PSMF1: variants seen among roughly 807,000 people sequenced by gnomAD.
PSMF1 encodes the protein proteasome inhibitor subunit 1.
PSMF1 carries 30 observed loss-of-function variants against 29.3 expected under a neutral mutation model. The observed-to-expected ratio is 1.02, with a 90% CI of 0.77 to 1.39. The LOEUF (loss-of-function observed/expected upper bound fraction) is 1.39, where lower values mean the gene tolerates loss of function less well. Among genes scored for constraint, PSMF1 ranks in the 40% most tolerant of loss-of-function variants. PSMF1 has a pLI of 0.00. For synonymous variants in PSMF1, 134 were observed against 139.7 expected, an observed-to-expected ratio of 0.96 and a Z score of 0.29; for missense variants, 344 against 357.5, an observed-to-expected ratio of 0.96 and a Z score of 0.31.
Position 1,163,170 on chromosome 20 carries a change from T to G in PSMF1, c.592T>G (p.Leu198Val), listed in dbSNP as rs751159916. Residue 198 changes from leucine to valine, a missense_variant, in exon 5 of 7, where the codon TTA (leucine) becomes GTA (valine). Leu to Val is a conservative substitution (Grantham distance 32, BLOSUM62 1). Transcript: ENST00000335877. The surrounding 1 kb of genome is among the most constrained non-coding windows in gnomAD (Gnocchi z 6.1). ...CCCGTTTGTTGTCGGGGGAGAAGAC[T>G]TAGACCCTTTTGGGTGAGTACTGCT... ...LGPFVVGGEDLDPFGPRRGGM... is the reference protein window; with the variant it reads ...LGPFVVGGEDVDPFGPRRGGM... The G allele has an allele frequency of 6.2e-7, 1 of 1,614,208 alleles. No homozygotes were observed. The highest frequency in any genetic ancestry group is 8.5e-7 in the Non-Finnish European group (1 of 1,180,034).
chr20:1,154,297 G>A (rs137893282), intron 4 of PSMF1, among the ~76,000 whole-genome samples: 1 of 152,186 alleles, frequency 6.6e-6, no homozygotes, highest in African/African-American at 2.4e-5. Context: ...TTTTCTTTCT[G>A]TTTTTCTTTC....
chr20:1,151,024 A>G (rs951792761), intron 4 of PSMF1, among the ~76,000 whole-genome samples: 1 of 152,196 alleles, frequency 6.6e-6, no homozygotes, highest in Non-Finnish European at 1.5e-5. Flanking sequence ...TCCTCTACCT[A>G]TGTTACTTTA....
intron 4 of PSMF1, among the ~76,000 whole-genome samples, chr20:1,148,327 TA>T (rs1439320062): frequency 6.6e-6 from 1 of 152,238 alleles, no homozygotes; most frequent in African/African-American, 2.4e-5. Context: ...AATATTTTTT[TA>T]TCCAGCCTAA....
chr20:1,130,883 A>G (rs1191893063), intron 3 of PSMF1, among the ~76,000 whole-genome samples: 1 of 152,172 alleles, frequency 6.6e-6, no homozygotes, highest in Admixed American at 6.5e-5. Flanking sequence ...TAAGCATTTA[A>G]TCCATCAGAT....
intron 4 of PSMF1, among the ~76,000 whole-genome samples, chr20:1,143,979 C>G (rs2086416262): frequency 6.6e-6 from 1 of 152,114 alleles, no homozygotes; most frequent in Non-Finnish European, 1.5e-5. Context: ...GTCCCAGCTA[C>G]TCGGGAGGCT....
chr20:1,130,674 C>CA (rs2086217192), intron 3 of PSMF1, among the ~76,000 whole-genome samples: 1 of 152,132 alleles, frequency 6.6e-6, no homozygotes, highest in African/African-American at 2.4e-5. Flanking sequence ...GTTGCCCAGG[C>CA]AGGCTGGAGT....
chr20:1,141,341 G>T (rs2086377248), intron 4 of PSMF1, among the ~76,000 whole-genome samples: 1 of 152,100 alleles, frequency 6.6e-6, no homozygotes, highest in South Asian at 2.1e-4. Flanking sequence ...TCTCAATAAA[G>T]CTATAAAAAA....
At chr20:1,153,191 A>T (rs1265587567) in intron 4 of PSMF1, among the ~76,000 whole-genome samples, 1 of 152,202 alleles carries the variant, frequency 6.6e-6, no homozygotes, top group African/African-American at 2.4e-5. Context: ...AAAGTGAGGA[A>T]AGTGTTTGCA....
intron 3 of PSMF1, among the ~76,000 whole-genome samples, chr20:1,132,460 A>G (rs932158791): frequency 2.0e-5 from 3 of 152,044 alleles, no homozygotes; most frequent in South Asian, 2.1e-4. Context: ...TATTTTTAGT[A>G]GAGACGGGGT....
rs570358077 is a variant in PSMF1 at position 1,141,511 on chromosome 20, A to T, written c.551+6205A>T. On this transcript the variant is annotated intron_variant, in intron 4 of 6. Coordinates refer to ENST00000335877, the MANE Select transcript of PSMF1 (RefSeq NM_006814.5). ...CTTTTTAATATTTTTTCTTCAGCTG[A>T]AGAGTGGTTTGTTAGTACCTAAACA... Among the ~76,000 whole-genome samples the T allele has an allele frequency of 5.3e-5, 8 of 152,062 alleles. No homozygotes were observed. In the South Asian group the frequency reaches 1.7e-3, roughly 32 times the overall value.
intron 1 of PSMF1, among the ~76,000 whole-genome samples, chr20:1,119,675 G>A (rs2086060154): frequency 6.6e-6 from 1 of 152,098 alleles, no homozygotes; most frequent in African/African-American, 2.4e-5. Context: ...AGAGTTCTAG[G>A]ACTGCTGGAC....
chr20:1,119,944 C>T (rs1187467380), intron 1 of PSMF1, among the ~76,000 whole-genome samples: 1 of 151,830 alleles, frequency 6.6e-6, no homozygotes, highest in South Asian at 2.1e-4. Context: ...CTTCAGTTCT[C>T]AACTCCTCTA....
intron 4 of PSMF1, among the ~76,000 whole-genome samples, chr20:1,144,818 C>T (rs951958596): frequency 2.0e-5 from 3 of 152,170 alleles, no homozygotes; most frequent in Admixed American, 2.0e-4. Context: ...TGAGAGAGAT[C>T]TTTGTGGTGG....
At chr20:1,143,931 A>C (rs920366666) in intron 4 of PSMF1, among the ~76,000 whole-genome samples, 6 of 152,124 alleles carry the variant, frequency 3.9e-5, no homozygotes, top group Non-Finnish European at 7.4e-5. Flanking sequence ...TCTCTTCAAA[A>C]ATACTAAAAT....
chr20:1,150,767 T>C (rs1400881426), intron 4 of PSMF1, among the ~76,000 whole-genome samples: 1 of 152,202 alleles, frequency 6.6e-6, no homozygotes, highest in African/African-American at 2.4e-5. Flanking sequence ...TCCTAATTTT[T>C]ATGTAATCTA....
intron 3 of PSMF1, among the ~76,000 whole-genome samples, chr20:1,134,651 G>A (rs45560135): frequency 0.15 from 22,330 of 151,956 alleles, 2,074 homozygotes; most frequent in Admixed American, 0.21. Context: ...GCAGCCTTCC[G>A]AGGACCCCTG....
At chr20:1,159,628 G>T (rs955108356) in intron 4 of PSMF1, among the ~76,000 whole-genome samples, 1 of 152,146 alleles carries the variant, frequency 6.6e-6, no homozygotes, top group Non-Finnish European at 1.5e-5. Context: ...CTGGGCGGGG[G>T]GGCACTTCAT....
intron 4 of PSMF1, among the ~76,000 whole-genome samples, chr20:1,150,981 C>T (rs1208830441): frequency 3.3e-5 from 5 of 152,096 alleles, no homozygotes; most frequent in Admixed American, 3.3e-4. Flanking sequence ...CATTGATATC[C>T]AGTTGGTCTA....
intron 4 of PSMF1, among the ~76,000 whole-genome samples, chr20:1,136,063 T>A (rs1047067138): frequency 5.3e-5 from 8 of 152,238 alleles, no homozygotes; most frequent in Admixed American, 1.3e-4. Flanking sequence ...TTTGCAATTA[T>A]ATGCCTTTAG....
Sources: gnomAD v4.1 joint callset for allele counts (sites outside exome capture counted in the v4.1 genomes callset) on GRCh38, gnomAD v4.1.1 for gene constraint, Gnocchi (gnomAD v3.1) non-coding constraint, MANE v1.5 for transcripts, NCBI Gene and HGNC (gene_info 2026-07-23, HGNC 2026-07-21) for gene names.